Variants in ATRNL1 observed in about 807,000 individuals in gnomAD.
ATRNL1 encodes attractin-like protein 1.
A neutral mutation model predicts 182.7 loss-of-function variants in ATRNL1; 95 were observed. That is an observed-to-expected ratio of 0.52 (90% CI 0.44 to 0.62). The LOEUF (loss-of-function observed/expected upper bound fraction) is 0.62. Ranked by LOEUF, ATRNL1 falls within the 20% of genes least tolerant of loss-of-function variation. ATRNL1 has a pLI of 0.00. For synonymous variants in ATRNL1, 576 were observed against 568.3 expected (o/e 1.01, Z -0.19); for missense variants, 1,471 against 1,679.5 (o/e 0.88, Z 2.17).
intron 26 of ATRNL1, among the ~76,000 whole-genome samples, chr10:115,650,787 TG>T (rs1859941294): frequency 6.6e-6 from 1 of 152,096 alleles, no homozygotes; most frequent in Non-Finnish European, 1.5e-5. Flanking sequence ...TGGAGTGTTG[TG>T]TTGTTCATTT....
chr10:115,808,054 A>G (rs1452311223), intron 27 of ATRNL1, among the ~76,000 whole-genome samples: 2 of 152,150 alleles, frequency 1.3e-5, no homozygotes, highest in Non-Finnish European at 2.9e-5. Context: ...ATTCCATCTT[A>G]TATGATTTAT....
chr10:115,728,118 AAAAAAAAAAG>A (rs1254938690), intron 27 of ATRNL1, among the ~76,000 whole-genome samples: 1 of 105,846 alleles, frequency 9.4e-6, no homozygotes, highest in Non-Finnish European at 1.9e-5. Context: ...TACTAAAAAA[AAAAAAAAAAG>A]AAAAAAAAAA....
At chr10:115,917,477 A>AAG (rs1360378911) in intron 28 of ATRNL1, among the ~76,000 whole-genome samples, 2 of 8,102 alleles carry the variant, frequency 2.5e-4, no homozygotes, top group Non-Finnish European at 1.7e-3. Context: ...CTCAAAAAAA[A>AAG]AAAAAAAAGA....
intron 24 of ATRNL1, among the ~76,000 whole-genome samples, chr10:115,484,923 A>G (rs1848948913): frequency 6.6e-6 from 1 of 151,936 alleles, no homozygotes; most frequent in Non-Finnish European, 1.5e-5. Flanking sequence ...GGAGCATGCA[A>G]TAGGGAGAAG....
intron 28 of ATRNL1, among the ~76,000 whole-genome samples, chr10:115,890,301 C>T (rs1438047904): frequency 6.6e-6 from 1 of 152,118 alleles, no homozygotes; most frequent in Admixed American, 6.5e-5. Flanking sequence ...TGAAGGATTC[C>T]ATTTTTCACC....
At chr10:115,230,543 C>G (rs1849880767) in intron 9 of ATRNL1, among the ~76,000 whole-genome samples, 1 of 152,012 alleles carries the variant, frequency 6.6e-6, no homozygotes, top group Non-Finnish European at 1.5e-5. Flanking sequence ...AACTGGAAAC[C>G]CAGTCATGTA....
chr10:115,249,480 G>A (rs1027376911), intron 10 of ATRNL1, among the ~76,000 whole-genome samples: 5 of 151,974 alleles, frequency 3.3e-5, no homozygotes, highest in African/African-American at 9.7e-5. Flanking sequence ...TCTGCCTTCA[G>A]CTTGAGTTTT....
At chr10:115,143,060 T>C (rs1233423093) in intron 5 of ATRNL1, among the ~76,000 whole-genome samples, 3 of 152,136 alleles carry the variant, frequency 2.0e-5, no homozygotes, top group East Asian at 3.9e-4. Flanking sequence ...GTACTGTAGA[T>C]ATAAATTTGG....
chr10:115,608,811 G>A (rs1014225170), intron 26 of ATRNL1, among the ~76,000 whole-genome samples: 3 of 151,486 alleles, frequency 2.0e-5, no homozygotes, highest in Non-Finnish European at 2.9e-5. Flanking sequence ...CTCTGTTTTC[G>A]CTGTCAAAAA....
At chr10:115,491,414 G>C (rs2134656905) in intron 24 of ATRNL1, among the ~76,000 whole-genome samples, 1 of 128,558 alleles carries the variant, frequency 7.8e-6, no homozygotes, top group Middle Eastern at 4.6e-3. Flanking sequence ...GACTTGGGCT[G>C]CTGCCTTTTT....
intron 26 of ATRNL1, among the ~76,000 whole-genome samples, chr10:115,609,572 CTA>C (rs1378252868): frequency 1.3e-5 from 2 of 152,026 alleles, no homozygotes; most frequent in Non-Finnish European, 2.9e-5. Context: ...TTTTATTTTT[CTA>C]TGTTCTGAAA....
chr10:115,802,048 A>C (rs61014578), intron 27 of ATRNL1, among the ~76,000 whole-genome samples: 203 of 69,010 alleles, frequency 2.9e-3, no homozygotes, highest in African/African-American at 6.3e-3. Flanking sequence ...ACACACACAA[A>C]ACAAAAAAAA....
chr10:115,384,216 T>A (rs1015789930), intron 19 of ATRNL1, among the ~76,000 whole-genome samples: 28 of 152,158 alleles, frequency 1.8e-4, no homozygotes, highest in African/African-American at 5.8e-4. Flanking sequence ...CTATATGTAT[T>A]TTATCTTCAT....
Position 115,948,397 on chromosome 10 carries a change from A to G in ATRNL1, c.*3618A>G, listed in dbSNP as rs1953922020. 1 of 152,232 alleles carries G rather than the reference A, an allele frequency of 6.6e-6. No homozygotes were observed. The highest frequency in any genetic ancestry group is 2.1e-4 in the South Asian group (1 of 4,834). 9.4% of individuals were successfully genotyped at this position (152,232 alleles called of 1,614,324 possible). ...TTGTAAAATGAAAACTGACCAAATGAACTAATTCTACCCACCTATGGTCTT... is the reference window on the plus strand; with the variant it reads ...TTGTAAAATGAAAACTGACCAAATGGACTAATTCTACCCACCTATGGTCTT... On this transcript the variant is annotated 3_prime_UTR_variant, in exon 29 of 29. Coordinates refer to ENST00000355044, the MANE Select transcript of ATRNL1 (RefSeq NM_207303.4).
At chr10:115,131,962 G>C (rs376279077) in intron 5 of ATRNL1, among the ~76,000 whole-genome samples, 2 of 151,658 alleles carry the variant, frequency 1.3e-5, no homozygotes, top group East Asian at 3.9e-4. Context: ...TTAAGTTCTA[G>C]GGCACATGTG....
chr10:115,435,922 C>T (rs1049522054), intron 21 of ATRNL1, among the ~76,000 whole-genome samples: 9 of 152,060 alleles, frequency 5.9e-5, no homozygotes, highest in African/African-American at 2.2e-4. Context: ...TCATAACAGA[C>T]CTTCAGTTAT....
At chr10:115,843,739 G>A (rs1309753242) in intron 27 of ATRNL1, among the ~76,000 whole-genome samples, 1 of 152,024 alleles carries the variant, frequency 6.6e-6, no homozygotes, top group Non-Finnish European at 1.5e-5. Context: ...CCCAAGACAT[G>A]GTCAGCACAC....
At chr10:115,865,472 T>G (rs1272723851) in intron 28 of ATRNL1, among the ~76,000 whole-genome samples, 3 of 152,184 alleles carry the variant, frequency 2.0e-5, no homozygotes, top group Non-Finnish European at 4.4e-5. Flanking sequence ...AAATCATATT[T>G]ATTTCATTAT....
At chr10:115,665,989 C>A (rs549654277) in intron 26 of ATRNL1, among the ~76,000 whole-genome samples, 1 of 152,078 alleles carries the variant, frequency 6.6e-6, no homozygotes, top group South Asian at 2.1e-4. Flanking sequence ...GCTTAGGTTT[C>A]AGGGTGAAAA....
Sources: allele counts gnomAD v4.1 joint callset (sites outside exome capture counted in the v4.1 genomes callset), GRCh38; gene constraint gnomAD v4.1.1; transcripts MANE v1.5; gene names NCBI Gene and HGNC (gene_info 2026-07-23, HGNC 2026-07-21).